Variants in REV1 observed in about 807,000 individuals in gnomAD.
The protein encoded by REV1 is REV1 DNA directed polymerase, also known as translesion synthesis protein REV1.
A neutral mutation model predicts 137.4 loss-of-function variants in REV1; 42 were observed. The ratio of observed to expected loss-of-function variants is 0.31; its 90% confidence interval spans 0.24 to 0.40. The LOEUF (loss-of-function observed/expected upper bound fraction) is 0.40, where lower values mean the gene tolerates loss of function less well. REV1 is among the 10% of genes least tolerant of loss of function. The pLI, the probability that REV1 is intolerant of heterozygous loss-of-function variation, is 1.00. For missense variants in REV1, 1,282 were observed against 1,490.1 expected (o/e 0.86, Z 2.30); for synonymous variants, 524 against 519.2 (o/e 1.01, Z -0.12).
In REV1 at chr2:99,430,639, G is replaced by T. The variant is rs554739629; in HGVS notation, c.1439-691C>A. The stretch of plus-strand genomic sequence containing the variant: ...CGATGCTTTAGAGAACACAACTGGA[G>T]CCTAGTGTGGCTTACCAACATCTCT... On this transcript the variant is annotated intron_variant, in intron 8 of 22. Transcript: ENST00000258428. Among the ~76,000 whole-genome samples the T allele has an allele frequency of 3.9e-4, 59 of 152,222 alleles. 1 individual carries two copies. Among genetic ancestry groups the T allele is most frequent in the South Asian group, 2.5e-3 (12 of 4,814 alleles).
In REV1 at chr2:99,401,372, A is replaced by G; in HGVS notation, c.3645-20T>C. ...ATCAGCCTAAAGGTGGGGAGAGAAGAAATGTCATTAGGAATTAGGAAAGGT... is the reference window on the plus strand; with the variant it reads ...ATCAGCCTAAAGGTGGGGAGAGAAGGAATGTCATTAGGAATTAGGAAAGGT... On this transcript the variant is annotated intron_variant, in intron 22 of 22. Coordinates refer to ENST00000258428, the MANE Select transcript of REV1 (RefSeq NM_016316.4). 6.5e-7 allele frequency: 1 copy of G among 1,530,634 alleles called. No individual in the cohort carries two copies. The highest frequency in any genetic ancestry group is 1.4e-5 in the African/African-American group (1 of 73,340). The allele number at this position is 1,530,634 out of a possible 1,614,324, so 94.8% of individuals were successfully genotyped here. A position where few individuals can be genotyped will look rare whatever the true frequency, so the allele number is the denominator to read the frequency against.
intron 12 of REV1, among the ~76,000 whole-genome samples, chr2:99,416,081 T>C (rs753531466): frequency 1.3e-5 from 2 of 152,292 alleles, no homozygotes; most frequent in African/African-American, 2.4e-5. Flanking sequence ...GCAGCACGTA[T>C]GTGGTCACTA....
chr2:99,403,426 A>G lies in REV1; in HGVS notation c.3166+269T>C, dbSNP rs556838067. ...TTCATCTCAAAGGACAACTAGCTGAACAAGTATTTAAGACATTTGTGGTAA... is the reference window on the plus strand; with the variant it reads ...TTCATCTCAAAGGACAACTAGCTGAGCAAGTATTTAAGACATTTGTGGTAA... On this transcript the variant is annotated intron_variant, in intron 19 of 22. Transcript: ENST00000258428. 6.2e-5 allele frequency: 35 copies of G among 565,746 alleles called. 1 individual carries two copies. In the Admixed American group the frequency reaches 1.0e-3, roughly 17 times the overall value. 35.0% of individuals were successfully genotyped at this position (565,746 alleles called of 1,614,324 possible).
At chr2:99,417,740 T>C (rs1475810663) in intron 12 of REV1, among the ~76,000 whole-genome samples, 3 of 152,220 alleles carry the variant, frequency 2.0e-5, no homozygotes, top group African/African-American at 7.2e-5. Flanking sequence ...TACTTTGTTA[T>C]GGCACCCCTA....
chr2:99,474,178 C>A lies in REV1; in HGVS notation c.-10-9193G>T, dbSNP rs34562228. Among the ~76,000 whole-genome samples the A allele has an allele frequency of 5.0e-3, 765 of 152,242 alleles. 11 individuals carry two copies. The highest frequency in any genetic ancestry group is 0.017 in the African/African-American group (727 of 41,554). On this transcript the variant is annotated intron_variant, in intron 1 of 22. Transcript: ENST00000258428. ...ATTTCACATTACTAGTAATACCTTT[C>A]ACTTCTGAAGTATCCTTAGTTTTCC...
At chr2:99,422,838 C>G (rs1418898457) in intron 10 of REV1, among the ~76,000 whole-genome samples, 2 of 152,170 alleles carry the variant, frequency 1.3e-5, no homozygotes, top group Admixed American at 1.3e-4. Context: ...CAGGCTGATG[C>G]TTGCTCTAGG....
At position 99,460,774 on chromosome 2, in the gene REV1, T is replaced by C. The variant is rs114150048; in HGVS notation, c.181+1722A>G. Among the ~76,000 whole-genome samples the C allele has an allele frequency of 3.7e-3, 565 of 152,244 alleles. 3 individuals are homozygous for C. The highest frequency in any genetic ancestry group is 0.027 in the Middle Eastern group (8 of 294). On this transcript the variant is annotated intron_variant, in intron 3 of 22. Coordinates refer to ENST00000258428, the MANE Select transcript of REV1 (RefSeq NM_016316.4). ...GAAATCTTAATAACAAGAGCAAAAATATTATCATCTCTATCCTGCAGAAAA... is the reference window on the plus strand; with the variant it reads ...GAAATCTTAATAACAAGAGCAAAAACATTATCATCTCTATCCTGCAGAAAA...
Position 99,439,078 on chromosome 2 carries a change from C to T in REV1, c.736G>A (p.Val246Ile), listed in dbSNP as rs745887710. 6.2e-7 allele frequency: 1 copy of T among 1,614,088 alleles called. No homozygotes were observed. The highest frequency in any genetic ancestry group is 1.7e-5 in the Admixed American group (1 of 60,014). Residue 246 changes from valine to isoleucine, a missense_variant, in exon 6 of 23, where the codon GTC (valine) becomes ATC (isoleucine). Val to Ile is a conservative substitution (Grantham distance 29, BLOSUM62 3). This residue lies in a region of REV1 where 432 missense variants were observed against 438.0 expected (regional missense o/e 0.99). Transcript: ENST00000258428. ...GAAAGCCTGCTGGCAACACTGTTGA[C>T]CATGGGCACCAAGCAATCCTGTGTC... Reference protein sequence around the residue: ...LKTQDCLVPMVNSVASRLSPA... With the variant: ...LKTQDCLVPMINSVASRLSPA...
chr2:99,401,190 A>T lies in REV1; in HGVS notation c.*51T>A. ...CTATCATGCACTTTGCAAATACCTC[A>T]CAAGCACTTATGGCACAGCTATCAG... On this transcript the variant is annotated 3_prime_UTR_variant, in exon 23 of 23. Transcript: ENST00000258428. 1 of 1,145,730 alleles carries T rather than the reference A, an allele frequency of 8.7e-7. No individual in the cohort carries two copies. Among genetic ancestry groups the T allele is most frequent in the Non-Finnish European group, 1.3e-6 (1 of 757,554 alleles). The allele number at this position is 1,145,730 out of a possible 1,614,324, so 71.0% of individuals were successfully genotyped here.
intron 16 of REV1, 100 bp from the exon 17 acceptor site, chr2:99,406,206 C>T (rs1676274994): frequency 7.2e-7 from 1 of 1,393,646 alleles, no homozygotes; most frequent in African/African-American, 1.5e-5. Flanking sequence ...ACTGATTCAT[C>T]ATAATGAAGA....
intron 1 of REV1, among the ~76,000 whole-genome samples, chr2:99,483,251 A>C (rs1686809714): frequency 6.6e-6 from 1 of 152,226 alleles, no homozygotes; most frequent in Non-Finnish European, 1.5e-5. Flanking sequence ...TACATAACTC[A>C]GACCAGTGCC....
chr2:99,450,880 T>C (rs192440499), intron 3 of REV1, among the ~76,000 whole-genome samples: 5 of 152,304 alleles, frequency 3.3e-5, no homozygotes, highest in Admixed American at 2.6e-4. Flanking sequence ...GCTTAACACA[T>C]GTTACTAGCA....
At chr2:99,453,483 A>G (rs1276662542) in intron 3 of REV1, among the ~76,000 whole-genome samples, 1 of 152,218 alleles carries the variant, frequency 6.6e-6, no homozygotes, top group East Asian at 1.9e-4. Context: ...TTCACACAAA[A>G]CATTAAATTT....
intron 2 of REV1, among the ~76,000 whole-genome samples, chr2:99,463,400 T>A (rs1684447527): frequency 6.6e-6 from 1 of 151,868 alleles, no homozygotes; most frequent in African/African-American, 2.4e-5. Flanking sequence ...ATGCCTGTAA[T>A]CCCAGTTACT....
intron 17 of REV1, chr2:99,405,689 C>G (rs1676183247): frequency 5.2e-6 from 2 of 384,878 alleles, no homozygotes; most frequent in East Asian, 8.1e-5. Context: ...TGCTTTACAA[C>G]TTGCAAGAGT....
chr2:99,408,097 T>C lies in REV1; in HGVS notation c.2380A>G (p.Lys794Glu). The C allele has an allele frequency of 1.2e-6, 2 of 1,610,580 alleles. No homozygotes were observed. Among genetic ancestry groups the C allele is most frequent in the South Asian group, 2.2e-5 (2 of 90,354 alleles). The change falls in exon 15 of 23, where the codon AAA becomes GAA. Residue 794 changes from lysine to glutamate, a missense_variant. Physicochemically the swap from Lys to Glu is moderately conservative, Grantham distance 56 (BLOSUM62 1). Around this residue, in one of 7 missense-constraint regions of REV1, gnomAD observed 372 missense variants for 482.3 expected, o/e 0.77. Transcript: ENST00000258428. ...TTTAGCATCGCCTTTCCAATTATTT[T>C]TGCATTATCTGTTGCCTGGTCAAGA... ...VTLDQATDNA[K>E]IIGKAMLNMF...
intron 5 of REV1, 149 bp downstream of exon 5, chr2:99,442,168 C>T (rs896196080): frequency 6.1e-6 from 4 of 654,136 alleles, no homozygotes; most frequent in African/African-American, 3.9e-5. Flanking sequence ...AGGAGAATCA[C>T]TTGAACCTGG....
intron 15 of REV1, among the ~76,000 whole-genome samples, chr2:99,407,080 C>CTTTATTTTTTT (rs1676415061): frequency 1.7e-5 from 1 of 60,026 alleles, no homozygotes; most frequent in Non-Finnish European, 2.9e-5. Flanking sequence ...TACAAAGGTT[C>CTTTATTTTTTT]TTTTTTTTTT....
chr2:99,467,918 C>T (rs186129754), intron 1 of REV1, among the ~76,000 whole-genome samples: 51 of 152,262 alleles, frequency 3.3e-4, no homozygotes, highest in African/African-American at 1.2e-3. Context: ...CGATGGCTCA[C>T]GCCTATAATC....
Sources: allele counts gnomAD v4.1 joint callset (sites outside exome capture counted in the v4.1 genomes callset), GRCh38; gene constraint gnomAD v4.1.1; regional missense constraint gnomAD v4.1.1; transcripts MANE v1.5; gene names NCBI Gene and HGNC (gene_info 2026-07-23, HGNC 2026-07-21).